CDH13: variants seen among roughly 807,000 people sequenced by gnomAD.
CDH13 encodes cadherin 13, also known as cadherin-13.
CDH13 carries 24 observed loss-of-function variants against 63.8 expected under a neutral mutation model. That is an observed-to-expected ratio of 0.38 (90% CI 0.27 to 0.53). The LOEUF (loss-of-function observed/expected upper bound fraction) is 0.53. CDH13 is among the 20% of genes least tolerant of loss of function. CDH13 has a pLI of 0.85. For missense variants in CDH13, 1,049 were observed against 903.1 expected (o/e 1.16, Z -2.07); for synonymous variants, 503 against 355.3 (o/e 1.42, Z -4.67).
Position 83,742,309 on chromosome 16 carries a change from A to G in CDH13, c.1539-5799A>G, listed in dbSNP as rs114177965. On this transcript the variant is annotated intron_variant, in intron 10 of 13. Coordinates refer to ENST00000567109, the MANE Select transcript of CDH13 (RefSeq NM_001257.5). ...GCTGCCTGCGACTCGAATTCTGTTAATCAGTTTGCCTTGCGTCTCCCAACA... is the reference window on the plus strand; with the variant it reads ...GCTGCCTGCGACTCGAATTCTGTTAGTCAGTTTGCCTTGCGTCTCCCAACA... Among the ~76,000 whole-genome samples, 1,254 of 152,272 alleles carry G rather than the reference A, an allele frequency of 8.2e-3. 23 individuals are homozygous for G. Among genetic ancestry groups the G allele is most frequent in the African/African-American group, 0.028 (1,167 of 41,564 alleles).
At chr16:83,774,355 G>A (rs545893665) in intron 11 of CDH13, among the ~76,000 whole-genome samples, 2 of 152,158 alleles carry the variant, frequency 1.3e-5, no homozygotes, top group East Asian at 3.9e-4. Flanking sequence ...CATTTAGAAT[G>A]ACCTAGTCAA....
Position 83,334,341 on chromosome 16 carries a change from C to CCTCTCT in CDH13, c.637-10505_637-10500dup, listed in dbSNP as rs370037527. ...CCCTATCTCCCTCTCTCCCTTTCTC[C>CCTCTCT]CTCTCTCTCTCTCTCTCTCTCACAC... On this transcript the variant is annotated intron_variant, in intron 5 of 13. Coordinates refer to ENST00000567109, the MANE Select transcript of CDH13 (RefSeq NM_001257.5). Among the ~76,000 whole-genome samples the CCTCTCT allele has an allele frequency of 4.3e-3, 467 of 109,194 alleles. 6 individuals carry two copies. The highest frequency in any genetic ancestry group is 0.019 in the South Asian group (50 of 2,632). The allele number at this position is 109,194 out of a possible 152,430, so 71.6% of individuals were successfully genotyped here.
intron 5 of CDH13, among the ~76,000 whole-genome samples, chr16:83,258,825 TG>T (rs1302980618): frequency 6.6e-6 from 1 of 152,220 alleles, no homozygotes; most frequent in Admixed American, 6.5e-5. Context: ...AACAGGCACG[TG>T]ACCAGTCCTT....
chr16:82,753,445 A>T (rs996213096), intron 1 of CDH13, among the ~76,000 whole-genome samples: 1 of 152,112 alleles, frequency 6.6e-6, no homozygotes, highest in Non-Finnish European at 1.5e-5. Context: ...CTCTATAATG[A>T]CAACTCCTAA....
intron 1 of CDH13, among the ~76,000 whole-genome samples, chr16:82,648,814 A>C (rs1354784335): frequency 6.6e-6 from 1 of 152,224 alleles, no homozygotes; most frequent in African/African-American, 2.4e-5. Context: ...GAAAGTTTTA[A>C]AGAAGGGAAT....
At chr16:83,662,789 T>C (rs1314184328) in intron 8 of CDH13, among the ~76,000 whole-genome samples, 1 of 152,190 alleles carries the variant, frequency 6.6e-6, no homozygotes, top group African/African-American at 2.4e-5. Flanking sequence ...GGCGCCATTA[T>C]TGCAAGGAAT....
intron 1 of CDH13, among the ~76,000 whole-genome samples, chr16:82,855,057 T>G (rs970924924): frequency 6.6e-6 from 1 of 152,190 alleles, no homozygotes; most frequent in Non-Finnish European, 1.5e-5. Flanking sequence ...CTGTGTACCT[T>G]TATGTTACAA....
At position 83,047,264 on chromosome 16, in the gene CDH13, A is replaced by G. The variant is rs1917883392; in HGVS notation, c.366+15046A>G. On this transcript the variant is annotated intron_variant, in intron 3 of 13. Transcript: ENST00000567109. The surrounding 1 kb of genome is among the most constrained non-coding windows in gnomAD (Gnocchi z 4.9). ...TTATTTATTTATTTATTTTTTTGGTAAAGGCCTCTGCTGTGAATTTAAGTC... is the reference window on the plus strand; with the variant it reads ...TTATTTATTTATTTATTTTTTTGGTGAAGGCCTCTGCTGTGAATTTAAGTC... 6.6e-6 allele frequency among the ~76,000 whole-genome samples: 1 copy of G among 150,982 alleles called. No homozygotes were observed. The highest frequency in any genetic ancestry group is 2.1e-4 in the South Asian group (1 of 4,792).
In CDH13 at chr16:83,341,994, CACACACACACA is replaced by C. The variant is rs2090735010; in HGVS notation, c.637-2867_637-2857del. Among the ~76,000 whole-genome samples, 12 of 126,594 alleles carry C rather than the reference CACACACACACA, an allele frequency of 9.5e-5. No homozygotes were observed. In the East Asian group the frequency reaches 2.3e-3, roughly 25 times the overall value. 83.1% of individuals were successfully genotyped at this position (126,594 alleles called of 152,430 possible). A position where few individuals can be genotyped will look rare whatever the true frequency, so the allele number is the denominator to read the frequency against. ...TTTTGAATAGGTGTCCCCTGCCACA[CACACACACACA>C]CACACACACACACACACACACACAC... On this transcript the variant is annotated intron_variant, in intron 5 of 13. Transcript: ENST00000567109.
At chr16:83,052,585 G>C (rs2072084320) in intron 3 of CDH13, among the ~76,000 whole-genome samples, 1 of 152,056 alleles carries the variant, frequency 6.6e-6, no homozygotes, top group South Asian at 2.1e-4. Context: ...TTGAAGACCA[G>C]CCAGGCCAAC....
intron 1 of CDH13, among the ~76,000 whole-genome samples, chr16:82,638,992 GAGA>G (rs1044121486): frequency 5.3e-5 from 8 of 152,144 alleles, no homozygotes; most frequent in Admixed American, 1.3e-4. Flanking sequence ...TATATACGAT[GAGA>G]AGAAGTTTTG....
chr16:83,706,891 A>C (rs1907151246), intron 10 of CDH13, among the ~76,000 whole-genome samples: 1 of 149,708 alleles, frequency 6.7e-6, no homozygotes, highest in Admixed American at 6.7e-5. Flanking sequence ...GTACGCTCCC[A>C]GCATATTAAG....
intron 4 of CDH13, among the ~76,000 whole-genome samples, chr16:83,143,969 G>C (rs139370075): frequency 2.6e-5 from 4 of 152,222 alleles, no homozygotes; most frequent in African/African-American, 9.6e-5. Flanking sequence ...GGTGGTTGCT[G>C]CTCTGCTGGT....
At chr16:83,350,625 G>C (rs2090933638) in intron 6 of CDH13, among the ~76,000 whole-genome samples, 1 of 152,104 alleles carries the variant, frequency 6.6e-6, no homozygotes, top group South Asian at 2.1e-4. Context: ...AGCTCTGAAT[G>C]TGCAACACTG....
chr16:83,024,077 T>C (rs1324902417), intron 2 of CDH13, among the ~76,000 whole-genome samples: 5 of 152,190 alleles, frequency 3.3e-5, no homozygotes, highest in Admixed American at 3.3e-4. Context: ...ATAGCCTTCC[T>C]GGATTATATA....
chr16:83,334,328 C>G (rs1221664217), intron 5 of CDH13, among the ~76,000 whole-genome samples: 1 of 143,860 alleles, frequency 7.0e-6, no homozygotes, highest in East Asian at 2.0e-4. Flanking sequence ...CTATCTCCCT[C>G]TCTCCCTTTC....
chr16:83,075,484 G>A (rs79993658), intron 3 of CDH13, among the ~76,000 whole-genome samples: 2,745 of 152,318 alleles, frequency 0.018, 81 homozygotes, highest in African/African-American at 0.062. Context: ...GGCCTAGGCA[G>A]AGTCTGATAA....
chr16:83,146,896 TAGTCA>T (rs1290132984), intron 4 of CDH13, among the ~76,000 whole-genome samples: 1 of 152,190 alleles, frequency 6.6e-6, no homozygotes, highest in Non-Finnish European at 1.5e-5. Flanking sequence ...GAAGTTAGCC[TAGTCA>T]ACATGGTGAA....
chr16:82,992,215 G>T (rs913618931), intron 2 of CDH13, among the ~76,000 whole-genome samples: 1 of 152,172 alleles, frequency 6.6e-6, no homozygotes, highest in Non-Finnish European at 1.5e-5. Context: ...AGCTGGGAAA[G>T]CATGGCCTTA....
Sources: gnomAD v4.1 joint callset for allele counts (sites outside exome capture counted in the v4.1 genomes callset) on GRCh38, gnomAD v4.1.1 for gene constraint, Gnocchi (gnomAD v3.1) non-coding constraint, MANE v1.5 for transcripts, NCBI Gene and HGNC (gene_info 2026-07-23, HGNC 2026-07-21) for gene names.